The following PPP1R21 variants were observed in gnomAD, a reference collection of about 807,000 sequenced individuals.
PPP1R21 encodes KLRAQ motif containing 1.
In PPP1R21, 85 loss-of-function variants were observed where a neutral mutation model predicts 112.8. The ratio of observed to expected loss-of-function variants is 0.75; its 90% CI spans 0.63 to 0.90. The LOEUF (loss-of-function observed/expected upper bound fraction) is 0.90. PPP1R21 is among the 40% of genes least tolerant of loss of function. The pLI is 0.00. For missense variants in PPP1R21, 1,199 were observed against 901.5 expected, an observed-to-expected ratio of 1.33 and a Z score of -4.23; for synonymous variants, 381 against 322.3, an observed-to-expected ratio of 1.18 and a Z score of -1.95.
At chr2:48,499,115 A>C (rs879302845) in intron 17 of PPP1R21, among the ~76,000 whole-genome samples, 1 of 137,654 alleles carries the variant, frequency 7.3e-6, no homozygotes, top group East Asian at 2.6e-4. Context: ...TAGAGTTTCA[A>C]CGTAGGATAT....
At chr2:48,471,438 A>G (rs1270357446) in intron 11 of PPP1R21, 71 bp downstream of exon 11, 15 of 1,391,912 alleles carry the variant, frequency 1.1e-5, no homozygotes, top group Admixed American at 4.7e-5. Context: ...CGTTAATAAA[A>G]TATTAACATG....
At chr2:48,489,009 T>C (rs2103931278) in intron 14 of PPP1R21, among the ~76,000 whole-genome samples, 1 of 152,326 alleles carries the variant, frequency 6.6e-6, no homozygotes, top group East Asian at 1.9e-4. Flanking sequence ...GTATCCTTAC[T>C]TTACTGAATA....
chr2:48,495,667 CT>C lies in PPP1R21; in HGVS notation c.1600-8del. The C allele has an allele frequency of 6.6e-7, 1 of 1,520,230 alleles. No individual in the cohort carries two copies. The highest frequency in any genetic ancestry group is 9.1e-7 in the Non-Finnish European group (1 of 1,095,640). The allele number at this position is 1,520,230 out of a possible 1,614,324, so 94.2% of individuals were successfully genotyped here. A position where few individuals can be genotyped will look rare whatever the true frequency, so the allele number is the denominator to read the frequency against. ...TATTTTTTCTTTAATTCTTATGATG[CT>C]TTTATCATAGCCCCTCTTGGAGTCT... On this transcript the variant is annotated splice_polypyrimidine_tract_variant and intron_variant, in intron 15 of 21. Transcript: ENST00000294952.
At chr2:48,457,986 T>A in intron 3 of PPP1R21, 140 bp from the exon 4 acceptor site, 1 of 651,374 alleles carries the variant, frequency 1.5e-6, no homozygotes, top group South Asian at 1.5e-5. Flanking sequence ...AATGATGAAC[T>A]GTATAGCTTT....
At chr2:48,484,596 A>C (rs1385282133) in intron 13 of PPP1R21, among the ~76,000 whole-genome samples, 2 of 149,916 alleles carry the variant, frequency 1.3e-5, no homozygotes, top group East Asian at 3.9e-4. Context: ...GGCTCACTGC[A>C]ACCTCCCACT....
chr2:48,493,050 A>G (rs1304291241), intron 15 of PPP1R21, among the ~76,000 whole-genome samples: 1 of 118,924 alleles, frequency 8.4e-6, no homozygotes, highest in African/African-American at 3.3e-5. Flanking sequence ...GGAGTCTTGC[A>G]CTATCGCCCA....
chr2:48,486,613 A>G lies in PPP1R21; in HGVS notation c.1319-18A>G. 2 of 1,582,836 alleles carry G rather than the reference A, an allele frequency of 1.3e-6. No homozygotes were observed. The highest frequency in any genetic ancestry group is 1.7e-6 in the Non-Finnish European group (2 of 1,152,780). ...TATATATAGATAATAATGAATTTTC[A>G]TGTAATTGCTTTTATAGATATTTCC... On this transcript the variant is annotated intron_variant, in intron 13 of 21. Transcript: ENST00000294952.
intron 11 of PPP1R21, among the ~76,000 whole-genome samples, chr2:48,474,267 C>T (rs1311493216): frequency 6.6e-6 from 1 of 152,108 alleles, no homozygotes; most frequent in Admixed American, 6.6e-5. Context: ...CCTGTAATCC[C>T]AGCAACTCAG....
rs1294739756 is a variant in PPP1R21, at chr2:48,469,377, T to TAGAGAG, written c.898-1708_898-1707insAGAGAG. ...TATATATATAGAGCATATATATATA[T>TAGAGAG]AGCATATATATATAGAGCATATATA... On this transcript the variant is annotated intron_variant, in intron 9 of 21. Coordinates refer to ENST00000294952, the MANE Select transcript of PPP1R21 (RefSeq NM_001135629.3). Among the ~76,000 whole-genome samples, 9 of 8,790 alleles carry TAGAGAG rather than the reference T, an allele frequency of 1.0e-3. 1 individual carries two copies. Among genetic ancestry groups the TAGAGAG allele is most frequent in the African/African-American group, 5.8e-3 (5 of 862 alleles). The allele number at this position is 8,790 out of a possible 152,430, so 5.8% of individuals were successfully genotyped here.
At chr2:48,490,105 G>C (rs1433848989) in intron 14 of PPP1R21, among the ~76,000 whole-genome samples, 1 of 151,276 alleles carries the variant, frequency 6.6e-6, no homozygotes, top group Non-Finnish European at 1.5e-5. Flanking sequence ...TGTAATCCCA[G>C]CTACTCAGGC....
chr2:48,500,886 G>A (rs1208545936), intron 17 of PPP1R21, among the ~76,000 whole-genome samples: 1 of 151,934 alleles, frequency 6.6e-6, no homozygotes, highest in Non-Finnish European at 1.5e-5. Flanking sequence ...TCCAGCCTGG[G>A]CAACAGAGCC....
At chr2:48,463,655 A>C (rs529302757) in intron 7 of PPP1R21, among the ~76,000 whole-genome samples, 25 of 152,270 alleles carry the variant, frequency 1.6e-4, no homozygotes, top group African/African-American at 5.8e-4. Flanking sequence ...GAAGAGACTC[A>C]CTGTGGACAC....
At chr2:48,451,185 C>G in intron 2 of PPP1R21, 109 bp downstream of exon 2, 2 of 830,342 alleles carry the variant, frequency 2.4e-6, no homozygotes, top group South Asian at 1.4e-5. Flanking sequence ...CACTGATTCA[C>G]TAGGGATAGG....
intron 19 of PPP1R21, among the ~76,000 whole-genome samples, chr2:48,507,745 C>G (rs1670448436): frequency 9.4e-6 from 1 of 105,948 alleles, no homozygotes; most frequent in Non-Finnish European, 1.8e-5. Flanking sequence ...GAGTGAGGCT[C>G]TGCCTTTTTT....
chr2:48,499,701 T>C (rs958202248), intron 17 of PPP1R21, among the ~76,000 whole-genome samples: 3 of 152,268 alleles, frequency 2.0e-5, no homozygotes, highest in Non-Finnish European at 4.4e-5. Flanking sequence ...TCAGGTTCTT[T>C]TTCATGAGGC....
chr2:48,481,423 T>C (rs1346963265), intron 13 of PPP1R21, among the ~76,000 whole-genome samples: 2 of 152,246 alleles, frequency 1.3e-5, no homozygotes, highest in Non-Finnish European at 2.9e-5. Context: ...GTTTGGTCTA[T>C]AGAAAAATCC....
chr2:48,441,093 G>T (rs1046781588), intron 1 of PPP1R21, 83 bp downstream of exon 1: 7 of 977,818 alleles, frequency 7.2e-6, no homozygotes, highest in Admixed American at 3.9e-5. Flanking sequence ...GGACCTAGGG[G>T]TACTGCGGGA....
At chr2:48,477,187 T>C (rs1481313038) in intron 12 of PPP1R21, among the ~76,000 whole-genome samples, 1 of 143,172 alleles carries the variant, frequency 7.0e-6, no homozygotes, top group African/African-American at 2.5e-5. Context: ...AGTGTCACAC[T>C]CTCAGCTCGC....
chr2:48,500,475 GGA>G (rs1670059490), intron 17 of PPP1R21, among the ~76,000 whole-genome samples: 1 of 151,780 alleles, frequency 6.6e-6, no homozygotes, highest in African/African-American at 2.4e-5. Context: ...GTTTGTTCTG[GGA>G]GGTATGGGGG....
Sources: gnomAD v4.1 joint callset for allele counts (sites outside exome capture counted in the v4.1 genomes callset) on GRCh38, gnomAD v4.1.1 for gene constraint, MANE v1.5 for transcripts, NCBI Gene and HGNC (gene_info 2026-07-23, HGNC 2026-07-21) for gene names.